Variants in IMMP2L observed in about 807,000 individuals in gnomAD.
IMMP2L encodes inner mitochondrial membrane peptidase subunit 2, also known as mitochondrial inner membrane protease subunit 2.
IMMP2L carries 18 observed loss-of-function variants against 19.3 expected under a neutral mutation model. The ratio of observed to expected loss-of-function variants is 0.93; its 90% CI spans 0.64 to 1.38. The LOEUF (loss-of-function observed/expected upper bound fraction) is 1.38. Ranked by LOEUF, IMMP2L falls within the 40% of genes most tolerant of loss-of-function variation. The pLI, the probability that IMMP2L is intolerant of heterozygous loss-of-function variation, is 0.00. For synonymous variants in IMMP2L, 76 were observed against 73.0 expected (o/e 1.04, Z -0.21); for missense variants, 233 against 218.2 (o/e 1.07, Z -0.43).
At chr7:110,794,846 T>C (rs1271924539) in intron 5 of IMMP2L, among the ~76,000 whole-genome samples, 1 of 152,060 alleles carries the variant, frequency 6.6e-6, no homozygotes, top group Non-Finnish European at 1.5e-5. Flanking sequence ...TATTCATTAA[T>C]AATAATGAAT....
At chr7:111,311,016 G>A (rs1823458267) in intron 3 of IMMP2L, among the ~76,000 whole-genome samples, 1 of 152,144 alleles carries the variant, frequency 6.6e-6, no homozygotes, top group Admixed American at 6.6e-5. Context: ...AATAGCAGCG[G>A]TAATCTCTGA....
intron 3 of IMMP2L, among the ~76,000 whole-genome samples, chr7:111,444,611 T>G (rs1194427198): frequency 6.6e-6 from 1 of 152,186 alleles, no homozygotes; most frequent in Non-Finnish European, 1.5e-5. Flanking sequence ...CTCTTCATTT[T>G]CCTCATCGCT....
chr7:111,013,775 G>A (rs181866018), intron 3 of IMMP2L, among the ~76,000 whole-genome samples: 55 of 151,794 alleles, frequency 3.6e-4, no homozygotes, highest in Non-Finnish European at 6.6e-4. Context: ...TCTTTTATTC[G>A]TTTAGTTTAT....
rs139028672 is a variant in IMMP2L at position 111,382,412 on chromosome 7, G to A, written c.239+104826C>T. Among the ~76,000 whole-genome samples, 822 of 152,106 alleles carry A rather than the reference G, an allele frequency of 5.4e-3. 6 individuals are homozygous for A. Among genetic ancestry groups the A allele is most frequent in the African/African-American group, 0.019 (784 of 41,534 alleles). ...GATCACTGATGACCTTCATGAAGGC[G>A]ATCCCAATGGTAAGAACAAGCAGGA... is the stretch of plus-strand genomic sequence containing the variant. On this transcript the variant is annotated intron_variant, in intron 3 of 5. Coordinates refer to ENST00000405709, the MANE Select transcript of IMMP2L (RefSeq NM_032549.4).
intron 4 of IMMP2L, among the ~76,000 whole-genome samples, chr7:110,911,501 G>A (rs1813052648): frequency 6.6e-6 from 1 of 152,036 alleles, no homozygotes; most frequent in Admixed American, 6.6e-5. Context: ...GCTTGTCTTT[G>A]TTTAAATAGT....
intron 3 of IMMP2L, among the ~76,000 whole-genome samples, chr7:111,340,222 T>C (rs576777757): frequency 2.1e-4 from 32 of 152,066 alleles, no homozygotes; most frequent in Non-Finnish European, 4.3e-4. Context: ...ATATCTATAG[T>C]AATTCAATAT....
intron 3 of IMMP2L, among the ~76,000 whole-genome samples, chr7:111,256,902 T>A (rs770165699): frequency 1.3e-5 from 2 of 152,022 alleles, no homozygotes; most frequent in African/African-American, 4.8e-5. Context: ...CTAAATAACA[T>A]CTGGGTAGAT....
At chr7:110,887,588 T>C (rs1052553862) in intron 4 of IMMP2L, among the ~76,000 whole-genome samples, 9 of 91,618 alleles carry the variant, frequency 9.8e-5, no homozygotes, top group African/African-American at 6.1e-4. Context: ...AGGCTTTTTA[T>C]AGCAAAAAAA....
intron 4 of IMMP2L, among the ~76,000 whole-genome samples, chr7:110,905,284 T>G (rs879474788): frequency 6.6e-6 from 1 of 152,206 alleles, no homozygotes; most frequent in Non-Finnish European, 1.5e-5. Flanking sequence ...TAAATCATTG[T>G]CAAGTCTGTG....
chr7:111,264,948 T>C (rs376419135), intron 3 of IMMP2L, among the ~76,000 whole-genome samples: 2 of 152,220 alleles, frequency 1.3e-5, no homozygotes, highest in African/African-American at 4.8e-5. Context: ...GTTACCTTCA[T>C]CTTTACCTGC....
At chr7:111,393,562 A>T (rs1832593009) in intron 3 of IMMP2L, among the ~76,000 whole-genome samples, 1 of 152,158 alleles carries the variant, frequency 6.6e-6, no homozygotes, top group South Asian at 2.1e-4. Context: ...AGGAAGAGCT[A>T]TTTAATCTTG....
At chr7:110,663,849 A>G (rs756336833) in intron 5 of IMMP2L, 128 bp from the exon 6 acceptor site, 117 of 576,682 alleles carry the variant, frequency 2.0e-4, no homozygotes, top group Middle Eastern at 1.5e-3. Flanking sequence ...AATAAAAAAA[A>G]TAGTAAACAC....
intron 3 of IMMP2L, among the ~76,000 whole-genome samples, chr7:111,111,942 G>GTTTTTTTTTTTTTT (rs748410980): frequency 3.6e-5 from 3 of 84,126 alleles, no homozygotes; most frequent in African/African-American, 9.9e-5. Flanking sequence ...TATATAGTTT[G>GTTTTTTTTTTTTTT]TTTTTTTTTT....
At chr7:111,364,729 G>C (rs1829602129) in intron 3 of IMMP2L, among the ~76,000 whole-genome samples, 2 of 151,770 alleles carry the variant, frequency 1.3e-5, no homozygotes, top group South Asian at 4.1e-4. Context: ...CCAGCACTTT[G>C]GGACGCCAAG....
intron 3 of IMMP2L, among the ~76,000 whole-genome samples, chr7:111,446,851 G>A (rs1280026630): frequency 2.0e-5 from 3 of 151,450 alleles, no homozygotes; most frequent in Admixed American, 2.0e-4. Context: ...CCAATACAGA[G>A]AAATGCTTAA....
intron 3 of IMMP2L, among the ~76,000 whole-genome samples, chr7:111,254,737 G>A (rs1295460773): frequency 1.3e-5 from 2 of 151,982 alleles, no homozygotes; most frequent in African/African-American, 2.4e-5. Flanking sequence ...TCCCAGAGTC[G>A]TCCTGCAGAA....
intron 3 of IMMP2L, among the ~76,000 whole-genome samples, chr7:111,341,457 G>A (rs898597301): frequency 3.9e-5 from 6 of 152,036 alleles, no homozygotes; most frequent in African/African-American, 1.4e-4. Context: ...ATTTGTACGT[G>A]TATATATACA....
intron 5 of IMMP2L, among the ~76,000 whole-genome samples, chr7:110,793,369 G>A (rs1233793426): frequency 2.0e-5 from 3 of 151,380 alleles, no homozygotes; most frequent in East Asian, 2.0e-4. Flanking sequence ...ACAGTGAGCC[G>A]AGTCCACACC....
At chr7:111,514,989 C>G (rs1845760059) in intron 2 of IMMP2L, among the ~76,000 whole-genome samples, 1 of 152,070 alleles carries the variant, frequency 6.6e-6, no homozygotes, top group African/African-American at 2.4e-5. Context: ...TCATTCTCCT[C>G]TCTTTCTTTC....
Sources: gnomAD v4.1 joint callset for allele counts (sites outside exome capture counted in the v4.1 genomes callset) on GRCh38, gnomAD v4.1.1 for gene constraint, MANE v1.5 for transcripts, NCBI Gene and HGNC (gene_info 2026-07-23, HGNC 2026-07-21) for gene names.